The following IQGAP1 variants were observed in gnomAD, a reference collection of about 807,000 sequenced individuals.
IQGAP1 encodes the protein ras GTPase-activating-like protein IQGAP1.
Under a neutral mutation model 215.6 loss-of-function variants are expected in IQGAP1, and 66 were observed. That is an observed-to-expected ratio of 0.31 (90% CI 0.25 to 0.38). The LOEUF (loss-of-function observed/expected upper bound fraction) is 0.38, where lower values mean the gene tolerates loss of function less well. Ranked by LOEUF, IQGAP1 falls within the 10% of genes least tolerant of loss-of-function variation. IQGAP1 has a pLI of 1.00. For synonymous variants in IQGAP1, 772 were observed against 728.7 expected (o/e 1.06, Z -0.96); for missense variants, 1,712 against 1,997.1 (o/e 0.86, Z 2.72).
At chr15:90,426,340 G>A (rs1329781896) in intron 3 of IQGAP1, 74 bp downstream of exon 3, 11 of 1,499,948 alleles carry the variant, frequency 7.3e-6, no homozygotes, top group Non-Finnish European at 9.9e-6. Flanking sequence ...TTGTGTAAGA[G>A]TTATTGAGAA....
intron 6 of IQGAP1, 106 bp downstream of exon 6, chr15:90,439,505 A>C: frequency 2.7e-6 from 2 of 736,916 alleles, no homozygotes; most frequent in Non-Finnish European, 4.4e-6. Context: ...ATACACTGGC[A>C]GTGGAGGTGA....
At chr15:90,437,145 A>C (rs187296515) in intron 5 of IQGAP1, among the ~76,000 whole-genome samples, 7 of 152,370 alleles carry the variant, frequency 4.6e-5, no homozygotes, top group African/African-American at 1.7e-4. Flanking sequence ...GTCACGTCTC[A>C]CGTGGCAGGA....
intron 34 of IQGAP1, 55 bp from the exon 35 acceptor site, chr15:90,492,490 T>C (rs1300127695): frequency 7.1e-6 from 10 of 1,401,924 alleles, no homozygotes; most frequent in Non-Finnish European, 9.7e-6. Context: ...GGTTGTAGTG[T>C]GAAATGATAA....
intron 12 of IQGAP1, 45 bp from the exon 13 acceptor site, chr15:90,453,087 G>C: frequency 6.4e-7 from 1 of 1,571,942 alleles, no homozygotes; most frequent in Non-Finnish European, 8.6e-7. Context: ...GGGTCTTGGA[G>C]AATGTCTTTC....
chr15:90,452,685 A>G lies in IQGAP1; in HGVS notation c.1163-90A>G, dbSNP rs1037438344. The G allele has an allele frequency of 2.8e-5, 40 of 1,412,770 alleles. 1 individual carries two copies. Among genetic ancestry groups the G allele is most frequent in the Non-Finnish European group, 3.6e-5 (37 of 1,034,448 alleles). 87.5% of individuals were successfully genotyped at this position (1,412,770 alleles called of 1,614,324 possible). ...CAAACTTCATGGCTGATAGCCACAG[A>G]ATGTGATATTTTTCCCATGAAGATT... On this transcript the variant is annotated intron_variant, in intron 11 of 37. Transcript: ENST00000268182.
intron 6 of IQGAP1, 97 bp downstream of exon 6, chr15:90,439,496 T>C (rs547249316): frequency 1.2e-6 from 1 of 861,972 alleles, no homozygotes; most frequent in Admixed American, 2.3e-5. Context: ...GCTTTAAAAA[T>C]ACACTGGCAG....
At chr15:90,456,713 TAAAAAAAA>T (rs59435003) in intron 15 of IQGAP1, among the ~76,000 whole-genome samples, 1 of 127,986 alleles carries the variant, frequency 7.8e-6, no homozygotes, top group African/African-American at 2.9e-5. Context: ...TCATCTCTAC[TAAAAAAAA>T]AAAAAAAAAT....
intron 9 of IQGAP1, among the ~76,000 whole-genome samples, chr15:90,447,781 A>T (rs1000736256): frequency 6.6e-6 from 1 of 152,178 alleles, no homozygotes; most frequent in African/African-American, 2.4e-5. Context: ...TAATCTTAAA[A>T]ATATTCCTAT....
At chr15:90,475,992 G>A (rs374760985) in intron 23 of IQGAP1, among the ~76,000 whole-genome samples, 1 of 151,860 alleles carries the variant, frequency 6.6e-6, no homozygotes, top group Non-Finnish European at 1.5e-5. Context: ...CTGGAGTGCA[G>A]TGGCATGATC....
At chr15:90,432,276 C>G (rs1348822081) in intron 4 of IQGAP1, among the ~76,000 whole-genome samples, 1 of 152,154 alleles carries the variant, frequency 6.6e-6, no homozygotes, top group East Asian at 1.9e-4. Flanking sequence ...GTCTCAAAAC[C>G]TTGGAGATAC....
intron 15 of IQGAP1, among the ~76,000 whole-genome samples, chr15:90,464,594 T>TA: frequency 6.6e-6 from 1 of 152,218 alleles, no homozygotes. Flanking sequence ...CTCACACCTG[T>TA]AATCCCAGCA....
chr15:90,438,046 G>T (rs1965394355), intron 5 of IQGAP1, among the ~76,000 whole-genome samples: 2 of 152,060 alleles, frequency 1.3e-5, no homozygotes, highest in Non-Finnish European at 2.9e-5. Flanking sequence ...ATACATTTGG[G>T]TTTATTATAT....
chr15:90,395,714 C>A (rs1475252970), intron 2 of IQGAP1, among the ~76,000 whole-genome samples: 1 of 152,116 alleles, frequency 6.6e-6, no homozygotes, highest in East Asian at 1.9e-4. Flanking sequence ...GTGCTTAGGT[C>A]TTGGACAGGA....
intron 2 of IQGAP1, among the ~76,000 whole-genome samples, chr15:90,402,652 G>T (rs1964819499): frequency 6.6e-6 from 1 of 152,100 alleles, no homozygotes; most frequent in Non-Finnish European, 1.5e-5. Context: ...TATTGCTTGG[G>T]ATTATTGATG....
At chr15:90,450,541 G>A (rs772913271) in intron 11 of IQGAP1, among the ~76,000 whole-genome samples, 15 of 151,386 alleles carry the variant, frequency 9.9e-5, no homozygotes, top group African/African-American at 1.5e-4. Context: ...CCTGTTTTCC[G>A]TAGCGGCTAT....
At chr15:90,480,220 TAAAAAA>T (rs999179798) in intron 26 of IQGAP1, among the ~76,000 whole-genome samples, 6 of 92,450 alleles carry the variant, frequency 6.5e-5, no homozygotes, top group Admixed American at 4.4e-4. Context: ...CCCCATATCT[TAAAAAA>T]AAAAAAAAAA....
intron 2 of IQGAP1, among the ~76,000 whole-genome samples, chr15:90,411,790 G>A (rs1964969720): frequency 6.6e-6 from 1 of 152,110 alleles, no homozygotes; most frequent in African/African-American, 2.4e-5. Context: ...ATGGTAAGTG[G>A]TAAACTAGGG....
intron 2 of IQGAP1, among the ~76,000 whole-genome samples, chr15:90,413,256 A>G (rs189985499): frequency 7.9e-5 from 12 of 152,122 alleles, no homozygotes; most frequent in African/African-American, 1.2e-4. Flanking sequence ...ATACATAGCT[A>G]TCATTATTTA....
chr15:90,482,100 C>T lies in IQGAP1; in HGVS notation c.3470C>T (p.Pro1157Leu). ...ATTGTCAGCTCTGTGGACAAAATCCCGTGAGTGCCATCAGTTGTCATGACC... is the reference window on the plus strand; with the variant it reads ...ATTGTCAGCTCTGTGGACAAAATCCTGTGAGTGCCATCAGTTGTCATGACC... ...SAIVSSVDKI[P>L]YGMRFIAKVL... The change falls in exon 27 of 38, where the codon CCT (proline) becomes CTT (leucine). Residue 1157 changes from proline to leucine, a missense_variant and splice_region_variant. Physicochemically the swap from Pro to Leu is moderately conservative, Grantham distance 98. This residue lies in a region of IQGAP1 where 691 missense variants were observed against 923.0 expected (regional missense o/e 0.75). Coordinates refer to ENST00000268182, the MANE Select transcript of IQGAP1 (RefSeq NM_003870.4). The T allele has an allele frequency of 1.2e-6, 2 of 1,614,222 alleles. No individual in the cohort carries two copies. The highest frequency in any genetic ancestry group is 8.5e-7 in the Non-Finnish European group (1 of 1,180,034).
Sources: allele counts gnomAD v4.1 joint callset (sites outside exome capture counted in the v4.1 genomes callset), GRCh38; gene constraint gnomAD v4.1.1; regional missense constraint gnomAD v4.1.1; transcripts MANE v1.5; gene names NCBI Gene and HGNC (gene_info 2026-07-23, HGNC 2026-07-21).